PHACTR3: variants seen among roughly 807,000 people sequenced by gnomAD.
PHACTR3 encodes protein phosphatase 1, regulatory subunit 123.
Under a neutral mutation model 66.8 loss-of-function variants are expected in PHACTR3, and 16 were observed. That is an observed-to-expected ratio of 0.24 (90% CI 0.16 to 0.36). The LOEUF (loss-of-function observed/expected upper bound fraction) is 0.36, where lower values mean the gene tolerates loss of function less well. PHACTR3 is among the 10% of genes least tolerant of loss of function. The pLI, the probability that PHACTR3 is intolerant of heterozygous loss-of-function variation, is 1.00. For synonymous variants in PHACTR3, 323 were observed against 292.1 expected (o/e 1.11, Z -1.08); for missense variants, 647 against 719.9 (o/e 0.90, Z 1.16).
At chr20:59,641,492 A>G (rs2035102411) in intron 1 of PHACTR3, among the ~76,000 whole-genome samples, 1 of 152,216 alleles carries the variant, frequency 6.6e-6, no homozygotes, top group Non-Finnish European at 1.5e-5. Context: ...GAAGACAGAT[A>G]GAGAGAATTC....
intron 1 of PHACTR3, among the ~76,000 whole-genome samples, chr20:59,639,191 G>A (rs1462103082): frequency 6.6e-6 from 1 of 152,098 alleles, no homozygotes. Flanking sequence ...TGAGTGGGTA[G>A]AAATCCAGGC....
chr20:59,681,565 C>T (rs898142103), intron 1 of PHACTR3, among the ~76,000 whole-genome samples: 1 of 152,180 alleles, frequency 6.6e-6, no homozygotes, highest in South Asian at 2.1e-4. Context: ...AACAAAGTGT[C>T]CCATATATTC....
At chr20:59,613,705 G>T (rs911269458) in intron 1 of PHACTR3, among the ~76,000 whole-genome samples, 6 of 152,204 alleles carry the variant, frequency 3.9e-5, no homozygotes, top group African/African-American at 1.4e-4. Context: ...TCTGGGAGCT[G>T]CATGTGGCCT....
At chr20:59,824,675 A>C (rs1202765620) in intron 8 of PHACTR3, among the ~76,000 whole-genome samples, 6 of 152,146 alleles carry the variant, frequency 3.9e-5, no homozygotes, top group Non-Finnish European at 7.3e-5. Flanking sequence ...CACACATCAG[A>C]AATCTTGGAA....
intron 1 of PHACTR3, among the ~76,000 whole-genome samples, chr20:59,723,076 TTCTTTC>T (rs1232764280): frequency 2.2e-5 from 3 of 137,420 alleles, no homozygotes; most frequent in East Asian, 2.2e-4. Context: ...CTTTCTTTCT[TTCTTTC>T]TTTCTTTCTT....
intron 1 of PHACTR3, among the ~76,000 whole-genome samples, chr20:59,742,478 G>GCTCACAGACA (rs56226754): frequency 0.27 from 40,363 of 150,214 alleles, 8,103 homozygotes; most frequent in East Asian, 0.54. Context: ...GCTCACAGAC[G>GCTCACAGACA]TGCTCACTCT....
intron 1 of PHACTR3, among the ~76,000 whole-genome samples, chr20:59,659,670 C>T (rs917820940): frequency 4.6e-5 from 7 of 152,084 alleles, no homozygotes; most frequent in African/African-American, 1.4e-4. Flanking sequence ...CGCAACTGGC[C>T]GGGTCTGGAG....
intron 4 of PHACTR3, among the ~76,000 whole-genome samples, chr20:59,760,585 C>T (rs749893850): frequency 3.4e-4 from 52 of 152,298 alleles, no homozygotes; most frequent in African/African-American, 9.6e-4. Context: ...ATGTGCGTTT[C>T]GCCTTCCGCC....
chr20:59,635,101 C>CTCTT (rs1357018312), intron 1 of PHACTR3, among the ~76,000 whole-genome samples: 6,183 of 92,596 alleles, frequency 0.067, 494 homozygotes, highest in East Asian at 0.099. Context: ...TTCTTTCTCT[C>CTCTT]TCTTTCTTTC....
At chr20:59,818,792 C>A (rs1019913669) in intron 8 of PHACTR3, among the ~76,000 whole-genome samples, 1 of 152,230 alleles carries the variant, frequency 6.6e-6, no homozygotes, top group Admixed American at 6.5e-5. Flanking sequence ...TCATTGTCAT[C>A]ATTTTATCTT....
chr20:59,666,796 G>T (rs559665204), intron 1 of PHACTR3, among the ~76,000 whole-genome samples: 25 of 152,344 alleles, frequency 1.6e-4, no homozygotes, highest in African/African-American at 5.8e-4. Context: ...GGGACATGCA[G>T]GGCAGGCTCG....
At chr20:59,589,849 G>C (rs1431441743) in intron 1 of PHACTR3, among the ~76,000 whole-genome samples, 1 of 152,222 alleles carries the variant, frequency 6.6e-6, no homozygotes, top group African/African-American at 2.4e-5. Flanking sequence ...AAGAGGGTAT[G>C]GATTTGCTCT....
At chr20:59,698,259 A>G (rs912411594) in intron 1 of PHACTR3, among the ~76,000 whole-genome samples, 2 of 152,184 alleles carry the variant, frequency 1.3e-5, no homozygotes, top group Non-Finnish European at 2.9e-5. Context: ...ATAATATCAT[A>G]TATAGCATGT....
chr20:59,666,540 TAG>T (rs35155368), intron 1 of PHACTR3, among the ~76,000 whole-genome samples: 30,398 of 147,636 alleles, frequency 0.21, 4,031 homozygotes, highest in East Asian at 0.55. Context: ...GAGACAGAGG[TAG>T]AGAGAGAGAG....
In PHACTR3 at chr20:59,743,168, C is replaced by T. The variant is rs552210572; in HGVS notation, c.180C>T (p.Pro60=). The T allele has an allele frequency of 6.2e-7, 1 of 1,614,074 alleles. No homozygotes were observed. The highest frequency in any genetic ancestry group is 1.1e-5 in the South Asian group (1 of 91,082). ...PEYLVSGIRT[P]PVRRNSKLAT... ...ATCTGGTCTCAGGGATTCGAACTCC[C>T]CCTGTGAGGAGGAACAGCAAACTGG... The change falls in exon 2 of 13, where the codon CCC becomes CCT. Residue 60 remains proline, a synonymous_variant. Transcript: ENST00000371015.
intron 7 of PHACTR3, among the ~76,000 whole-genome samples, chr20:59,791,783 G>C (rs1353575553): frequency 7.2e-6 from 1 of 139,266 alleles, no homozygotes. Context: ...TCCTGTTCCT[G>C]TGTCCATGTG....
intron 3 of PHACTR3, among the ~76,000 whole-genome samples, chr20:59,751,930 C>T (rs918119295): frequency 6.6e-6 from 1 of 152,178 alleles, no homozygotes; most frequent in Non-Finnish European, 1.5e-5. Context: ...CCCCAGCCCA[C>T]GTTTCTCTGT....
intron 7 of PHACTR3, among the ~76,000 whole-genome samples, chr20:59,798,436 A>G (rs1568832675): frequency 6.6e-6 from 1 of 152,242 alleles, no homozygotes; most frequent in Non-Finnish European, 1.5e-5. Flanking sequence ...TAAAATTAGT[A>G]TTATTCTCTA....
At position 59,704,923 on chromosome 20, in the gene PHACTR3, G is replaced by T. The variant is rs538187836; in HGVS notation, c.119-38184G>T. The stretch of plus-strand genomic sequence containing the variant: ...CCAAATTGAGTAATCCCATTCAAAA[G>T]CCTAGTATGTCTGTCCTAGTATTTA... On this transcript the variant is annotated intron_variant, in intron 1 of 12. Coordinates refer to ENST00000371015, the MANE Select transcript of PHACTR3 (RefSeq NM_080672.5). Among the ~76,000 whole-genome samples, 6 of 151,274 alleles carry T rather than the reference G, an allele frequency of 4.0e-5. No homozygotes were observed. In the East Asian group the frequency reaches 1.2e-3, roughly 29 times the overall value.
Sources: allele counts gnomAD v4.1 joint callset (sites outside exome capture counted in the v4.1 genomes callset), GRCh38; gene constraint gnomAD v4.1.1; transcripts MANE v1.5; gene names NCBI Gene and HGNC (gene_info 2026-07-23, HGNC 2026-07-21).